Variants in RFX4 observed in about 807,000 individuals in gnomAD.
RFX4 encodes the protein transcription factor RFX4.
Under a neutral mutation model 95.0 loss-of-function variants are expected in RFX4, and 10 were observed. The ratio of observed to expected loss-of-function variants is 0.11; its 90% CI spans 0.06 to 0.18. The LOEUF (loss-of-function observed/expected upper bound fraction) is 0.18. Ranked by LOEUF, RFX4 falls within the 10% of genes least tolerant of loss-of-function variation. The pLI, the probability that RFX4 is intolerant of heterozygous loss-of-function variation, is 1.00. For missense variants in RFX4, 640 were observed against 922.0 expected (o/e 0.69, Z 3.96); for synonymous variants, 321 against 340.7 (o/e 0.94, Z 0.64).
chr12:106,636,496 C>T (rs2040516376), intron 2 of RFX4, among the ~76,000 whole-genome samples: 1 of 151,878 alleles, frequency 6.6e-6, no homozygotes, highest in African/African-American at 2.4e-5. Flanking sequence ...GAGTTAGGAT[C>T]AATGATTGAT....
chr12:106,707,513 C>G (rs1037707016), intron 8 of RFX4, among the ~76,000 whole-genome samples: 2 of 152,040 alleles, frequency 1.3e-5, no homozygotes, highest in African/African-American at 4.8e-5. Flanking sequence ...GGAGGGATCA[C>G]AGAAGCCAAG....
chr12:106,685,342 A>T (rs1421684646), intron 5 of RFX4, among the ~76,000 whole-genome samples: 1 of 152,146 alleles, frequency 6.6e-6, no homozygotes, highest in Non-Finnish European at 1.5e-5. Flanking sequence ...GGAGGTTCAA[A>T]TCCTGCCTCT....
intron 6 of RFX4, among the ~76,000 whole-genome samples, chr12:106,688,825 T>C (rs1426307263): frequency 6.6e-6 from 1 of 152,164 alleles, no homozygotes. Context: ...TGTCTTATGG[T>C]GACTTAGGCA....
At chr12:106,715,352 G>A in intron 10 of RFX4, 48 bp from the exon 11 acceptor site, 2 of 1,586,372 alleles carry the variant, frequency 1.3e-6, no homozygotes, top group African/African-American at 1.3e-5. Context: ...TACAGTGAAA[G>A]GGTTTTAACA....
chr12:106,612,796 C>T (rs979160305), intron 2 of RFX4, among the ~76,000 whole-genome samples: 1 of 151,888 alleles, frequency 6.6e-6, no homozygotes, highest in African/African-American at 2.4e-5. Context: ...CAAGATTGCA[C>T]CACTGCACTC....
intron 3 of RFX4, among the ~76,000 whole-genome samples, chr12:106,644,230 C>CT (rs756140160): frequency 0.033 from 4,257 of 128,352 alleles, 47 homozygotes; most frequent in Non-Finnish European, 0.042. Context: ...GCCATTTCCC[C>CT]TTTTTTTTTT....
intron 15 of RFX4, among the ~76,000 whole-genome samples, chr12:106,746,218 T>C (rs1228402502): frequency 6.6e-6 from 1 of 152,068 alleles, no homozygotes; most frequent in Non-Finnish European, 1.5e-5. Context: ...TAGCCAGGCA[T>C]GGTGGTGTGC....
At chr12:106,729,049 C>T (rs1302379791) in intron 13 of RFX4, among the ~76,000 whole-genome samples, 1 of 152,200 alleles carries the variant, frequency 6.6e-6, no homozygotes, top group African/African-American at 2.4e-5. Flanking sequence ...CTGATGTTTT[C>T]TAAGAGTAAT....
intron 2 of RFX4, among the ~76,000 whole-genome samples, chr12:106,622,232 A>T (rs943210706): frequency 3.4e-4 from 52 of 152,270 alleles, no homozygotes; most frequent in African/African-American, 1.1e-3. Flanking sequence ...ATTTTAAAAA[A>T]ATATAATATA....
intron 1 of RFX4, among the ~76,000 whole-genome samples, chr12:106,587,729 T>TC (rs2039481623): frequency 6.6e-6 from 1 of 152,156 alleles, no homozygotes; most frequent in African/African-American, 2.4e-5. Flanking sequence ...TGGCTTTTCT[T>TC]CCCCACGACC....
intron 2 of RFX4, among the ~76,000 whole-genome samples, chr12:106,632,599 G>A (rs2137263990): frequency 6.6e-6 from 1 of 152,350 alleles, no homozygotes; most frequent in Non-Finnish European, 1.5e-5. Flanking sequence ...ACTTGGTGCT[G>A]CTATAGCATC....
In RFX4 at chr12:106,720,718, G is replaced by A. The variant is rs1356677848; in HGVS notation, c.1234-41G>A. ...TTCAAAGAGACAGTAATAAATGAAA[G>A]GTCAAGTCGACCACTATTAAAGCCA... On this transcript the variant is annotated intron_variant, in intron 12 of 17. Transcript: ENST00000392842. This position sits in a 1 kb window ranked among gnomAD's most constrained non-coding sequence, Gnocchi z 4.2. 1 of 1,571,542 alleles carries A rather than the reference G, an allele frequency of 6.4e-7. No homozygotes were observed. The highest frequency in any genetic ancestry group is 1.1e-5 in the South Asian group (1 of 90,172).
chr12:106,660,852 G>A (rs1400214066), intron 4 of RFX4, among the ~76,000 whole-genome samples: 1 of 152,114 alleles, frequency 6.6e-6, no homozygotes, highest in Non-Finnish European at 1.5e-5. Flanking sequence ...GAGGGATCTA[G>A]GTTGTGTTTT....
intron 1 of RFX4, among the ~76,000 whole-genome samples, chr12:106,594,016 G>A (rs901093682): frequency 2.0e-5 from 3 of 152,176 alleles, no homozygotes; most frequent in Non-Finnish European, 4.4e-5. Context: ...AAGAAGTAGG[G>A]TGCCTTTGTA....
intron 1 of RFX4, among the ~76,000 whole-genome samples, chr12:106,601,627 G>C (rs1226071049): frequency 6.6e-6 from 1 of 152,204 alleles, no homozygotes; most frequent in Non-Finnish European, 1.5e-5. Context: ...TTCTCATCCA[G>C]TGCCTCAGGA....
Position 106,691,821 on chromosome 12 carries a change from T to C in RFX4, c.669+2457T>C, listed in dbSNP as rs558635479. Among the ~76,000 whole-genome samples the C allele has an allele frequency of 9.2e-5, 14 of 152,280 alleles. No homozygotes were observed. In the East Asian group the frequency reaches 2.7e-3, roughly 29 times the overall value. ...ATGAGTGGATGAATGGATGAACAGG[T>C]GTAGAAATGCCATTGACTTATAACA... On this transcript the variant is annotated intron_variant, in intron 7 of 17. Transcript: ENST00000392842.
At chr12:106,680,089 G>A (rs1331254506) in intron 4 of RFX4, among the ~76,000 whole-genome samples, 1 of 152,172 alleles carries the variant, frequency 6.6e-6, no homozygotes, top group Non-Finnish European at 1.5e-5. Context: ...ATTTTGTTCA[G>A]TATTATCACC....
At chr12:106,734,295 T>C (rs546288764) in intron 15 of RFX4, among the ~76,000 whole-genome samples, 102 of 152,132 alleles carry the variant, frequency 6.7e-4, no homozygotes, top group Admixed American at 1.5e-3. Context: ...CATTGAACTG[T>C]ACACTTGAAA....
At chr12:106,687,161 GTC>G in intron 6 of RFX4, 64 bp downstream of exon 6, 1 of 1,036,300 alleles carries the variant, frequency 9.6e-7, no homozygotes. Flanking sequence ...CTCTCTCTCT[GTC>G]TCTATCTCTC....
Sources: allele counts gnomAD v4.1 joint callset (sites outside exome capture counted in the v4.1 genomes callset), GRCh38; gene constraint gnomAD v4.1.1; non-coding constraint Gnocchi (gnomAD v3.1); transcripts MANE v1.5; gene names NCBI Gene and HGNC (gene_info 2026-07-23, HGNC 2026-07-21).